FER: variants seen among roughly 807,000 people sequenced by gnomAD.
FER encodes the protein FER tyrosine kinase, also known as tyrosine-protein kinase Fer.
Under a neutral mutation model 111.0 loss-of-function variants are expected in FER, and 63 were observed. The ratio of observed to expected loss-of-function variants is 0.57; its 90% CI spans 0.46 to 0.70. The LOEUF is 0.70. FER is among the 30% of genes least tolerant of loss of function. The probability of loss-of-function intolerance (pLI) is 0.00; values close to 1 mark genes in which losing one functional copy is unlikely to be tolerated. For missense variants in FER, 914 were observed against 954.0 expected, an observed-to-expected ratio of 0.96 and a Z score of 0.55; for synonymous variants, 327 against 313.9, an observed-to-expected ratio of 1.04 and a Z score of -0.44.
chr5:108,938,467 T>C (rs1755819679), intron 10 of FER, among the ~76,000 whole-genome samples: 1 of 152,012 alleles, frequency 6.6e-6, no homozygotes, highest in African/African-American at 2.4e-5. Flanking sequence ...TTAGTAATCA[T>C]GTGATACTCG....
intron 13 of FER, among the ~76,000 whole-genome samples, chr5:108,979,956 A>T (rs2149718769): frequency 6.6e-6 from 1 of 152,236 alleles, no homozygotes; most frequent in South Asian, 2.1e-4. Flanking sequence ...GGGATGGGGC[A>T]CCAAGATCTG....
At chr5:109,049,764 T>C (rs116720663) in intron 16 of FER, among the ~76,000 whole-genome samples, 1,537 of 152,288 alleles carry the variant, frequency 0.01, 23 homozygotes, top group African/African-American at 0.035. Context: ...AAAAGTGTCA[T>C]ACTCAGCATT....
At position 109,044,726 on chromosome 5, in the gene FER, C is replaced by G; in HGVS notation, c.1760C>G (p.Ser587Cys). Residue 587 changes from serine (S) to cysteine (C), a missense_variant, in exon 15 of 20, where the codon TCT (serine) becomes TGT (cysteine). Transcript: ENST00000281092. ...AAGGGCACATTAAAGGATAAAACTTCTGTTGCTGTTAAAACATGTAAAGAA... is the reference window on the plus strand; with the variant it reads ...AAGGGCACATTAAAGGATAAAACTTGTGTTGCTGTTAAAACATGTAAAGAA... Reference protein sequence around the residue: ...VYKGTLKDKTSVAVKTCKEDL... With the variant: ...VYKGTLKDKTCVAVKTCKEDL... 1 of 1,589,736 alleles carries G rather than the reference C, an allele frequency of 6.3e-7. No individual in the cohort carries two copies. The highest frequency in any genetic ancestry group is 8.5e-7 in the Non-Finnish European group (1 of 1,170,860).
At chr5:109,072,735 A>G (rs972635341) in intron 16 of FER, among the ~76,000 whole-genome samples, 2 of 152,102 alleles carry the variant, frequency 1.3e-5, no homozygotes, top group Non-Finnish European at 2.9e-5. Flanking sequence ...GTAACAAAAT[A>G]TCACAAACTA....
intron 13 of FER, among the ~76,000 whole-genome samples, chr5:109,023,915 A>C (rs1768292229): frequency 6.6e-6 from 1 of 152,168 alleles, no homozygotes; most frequent in African/African-American, 2.4e-5. Flanking sequence ...GTTCTTGAGT[A>C]AGAGGAAGAA....
chr5:109,150,571 G>A (rs961730584), intron 17 of FER, among the ~76,000 whole-genome samples: 2 of 152,306 alleles, frequency 1.3e-5, no homozygotes, highest in Admixed American at 6.5e-5. Flanking sequence ...CTAGGAACTA[G>A]GTGGTCAGCA....
At chr5:109,018,756 A>G (rs528022673) in intron 13 of FER, among the ~76,000 whole-genome samples, 114 of 151,952 alleles carry the variant, frequency 7.5e-4, no homozygotes, top group African/African-American at 2.6e-3. Flanking sequence ...TTAAGAATTC[A>G]TCAAGTTCTG....
chr5:109,150,294 C>G (rs1754685792), intron 17 of FER, among the ~76,000 whole-genome samples: 1 of 152,170 alleles, frequency 6.6e-6, no homozygotes, highest in South Asian at 2.1e-4. Flanking sequence ...CCCACCTTTC[C>G]CAGTATACCT....
intron 16 of FER, among the ~76,000 whole-genome samples, chr5:109,090,654 A>T (rs1202793014): frequency 6.6e-6 from 1 of 152,196 alleles, no homozygotes; most frequent in Non-Finnish European, 1.5e-5. Context: ...ATAAAAAAGA[A>T]TTAAGCAGAA....
intron 2 of FER, among the ~76,000 whole-genome samples, chr5:108,791,534 C>CAT (rs1016052908): frequency 5.4e-5 from 8 of 147,052 alleles, no homozygotes; most frequent in South Asian, 4.2e-4. Flanking sequence ...AGTTCCTTAT[C>CAT]ATATATATAT....
At chr5:109,162,238 G>T (rs1013559050) in intron 17 of FER, among the ~76,000 whole-genome samples, 3 of 151,996 alleles carry the variant, frequency 2.0e-5, no homozygotes, top group Non-Finnish European at 4.4e-5. Flanking sequence ...AACATTTCAT[G>T]GTATAACTCA....
At chr5:108,994,590 TGGGGTC>T (rs1338737832) in intron 13 of FER, among the ~76,000 whole-genome samples, 1 of 152,182 alleles carries the variant, frequency 6.6e-6, no homozygotes, top group African/African-American at 2.4e-5. Context: ...CTTGGCTATT[TGGGGTC>T]TTTTTTGGTT....
In FER at chr5:109,125,120, T is replaced by A. The variant is rs141375305; in HGVS notation, c.2048+24601T>A. ...TAGGAAAAGTCTTAAAACAAATGAC[T>A]TTATTCTTTCACTAAACTTGCTGTT... On this transcript the variant is annotated intron_variant, in intron 17 of 19. Coordinates refer to ENST00000281092, the MANE Select transcript of FER (RefSeq NM_005246.4). 2.2e-3 allele frequency among the ~76,000 whole-genome samples: 333 copies of A among 152,042 alleles called. 1 individual carries two copies. Among genetic ancestry groups the A allele is most frequent in the African/African-American group, 6.9e-3 (285 of 41,496 alleles).
chr5:108,755,874 G>A (rs570489257), intron 1 of FER, among the ~76,000 whole-genome samples: 302 of 151,214 alleles, frequency 2.0e-3, no homozygotes, highest in African/African-American at 6.7e-3. Flanking sequence ...AGTATCAGCC[G>A]GGCACTGTGG....
In FER at chr5:108,993,658, CGAGGGTGAGGGA is replaced by C. The variant is rs1561737423; in HGVS notation, c.1656+34317_1656+34328del. Among the ~76,000 whole-genome samples, 5 of 117,486 alleles carry C rather than the reference CGAGGGTGAGGGA, an allele frequency of 4.3e-5. No individual in the cohort carries two copies. In the South Asian group the frequency reaches 7.6e-4, roughly 18 times the overall value. 77.1% of individuals were successfully genotyped at this position (117,486 alleles called of 152,430 possible). A position where few individuals can be genotyped will look rare whatever the true frequency, so the allele number is the denominator to read the frequency against. ...GTGAGGGCGAGGGCGAGGGCGAGGG[CGAGGGTGAGGGA>C]GAGGGAGAGGGCTGTATTTTCAAAT... is the stretch of plus-strand genomic sequence containing the variant. On this transcript the variant is annotated intron_variant, in intron 13 of 19. Transcript: ENST00000281092.
At chr5:109,060,304 A>G (rs1270674424) in intron 16 of FER, among the ~76,000 whole-genome samples, 1 of 152,198 alleles carries the variant, frequency 6.6e-6, no homozygotes, top group Non-Finnish European at 1.5e-5. Context: ...TTCTTAAGAA[A>G]AACAAAACAA....
intron 17 of FER, among the ~76,000 whole-genome samples, chr5:109,145,938 C>T (rs1754050426): frequency 6.7e-6 from 1 of 150,128 alleles, no homozygotes; most frequent in Non-Finnish European, 1.5e-5. Flanking sequence ...AAAAAAAAAT[C>T]AATAATCTCC....
chr5:108,914,537 C>A (rs1752005116), intron 10 of FER, among the ~76,000 whole-genome samples: 1 of 152,166 alleles, frequency 6.6e-6, no homozygotes, highest in Middle Eastern at 3.4e-3. Context: ...GGATTTTTGT[C>A]TTAAAGATCC....
chr5:109,024,594 A>C (rs1359774082), intron 13 of FER, among the ~76,000 whole-genome samples: 1 of 152,092 alleles, frequency 6.6e-6, no homozygotes, highest in African/African-American at 2.4e-5. Context: ...GTAGATACCA[A>C]AGAATGAAAG....
Sources: allele counts gnomAD v4.1 joint callset (sites outside exome capture counted in the v4.1 genomes callset), GRCh38; gene constraint gnomAD v4.1.1; transcripts MANE v1.5; gene names NCBI Gene and HGNC (gene_info 2026-07-23, HGNC 2026-07-21).